Variants in PLAAT1 observed in about 807,000 individuals in gnomAD.
PLAAT1 encodes the protein phospholipase A and acyltransferase 1, also known as H-REV107 protein-related protein.
PLAAT1 carries 13 observed loss-of-function variants against 16.4 expected under a neutral mutation model. The ratio of observed to expected loss-of-function variants is 0.79; its 90% CI spans 0.52 to 1.26. The LOEUF (loss-of-function observed/expected upper bound fraction) is 1.26. Among genes scored for constraint, PLAAT1 ranks in the 50% most tolerant of loss-of-function variants. PLAAT1 has a pLI of 0.00. For missense variants in PLAAT1, 218 were observed against 207.8 expected, an observed-to-expected ratio of 1.05 and a Z score of -0.30; for synonymous variants, 73 against 78.4, an observed-to-expected ratio of 0.93 and a Z score of 0.36.
In PLAAT1 at chr3:193,262,951, C is replaced by G. The variant is rs966973922; in HGVS notation, c.140-19C>G. 3.7e-6 allele frequency: 6 copies of G among 1,613,164 alleles called. No homozygotes were observed. The highest frequency in any genetic ancestry group is 1.7e-5 in the Admixed American group (1 of 59,950). ...GGACTGGGTCACTATACCTTACTAA[C>G]CAGAATTCTACTTTATAGATGGCAT... On this transcript the variant is annotated intron_variant, in intron 2 of 3. Transcript: ENST00000264735.
chr3:193,279,308 A>G (rs577515314), downstream of PLAAT1: 63 of 1,306,854 alleles, frequency 4.8e-5, no homozygotes, highest in African/African-American at 3.8e-4. Context: ...GTGAATTACA[A>G]TGAATACATG....
At chr3:193,270,916 G>A (rs960767707), downstream of PLAAT1, 34 of 1,043,358 alleles carry the variant, frequency 3.3e-5, no homozygotes, top group South Asian at 1.9e-4. Context: ...CAGCTTGAAC[G>A]GAGAAGCAGT....
At position 193,266,296 on chromosome 3, in the gene PLAAT1, T is replaced by C. The variant is rs547471573; in HGVS notation, c.405+3061T>C. On this transcript the variant is annotated intron_variant, in intron 3 of 3. Transcript: ENST00000264735. The stretch of plus-strand genomic sequence containing the variant: ...AATACATCAAGTTGAACACATTAAA[T>C]ATCTACAGCTTTTTGCATGTCAGTC... Among the ~76,000 whole-genome samples, 84 of 152,300 alleles carry C rather than the reference T, an allele frequency of 5.5e-4. 2 individuals are homozygous for C. Among genetic ancestry groups the C allele is most frequent in the African/African-American group, 1.9e-3 (80 of 41,570 alleles).
chr3:193,243,760 G>A (rs2108776067), intron 1 of PLAAT1, among the ~76,000 whole-genome samples: 1 of 152,262 alleles, frequency 6.6e-6, no homozygotes, highest in East Asian at 1.9e-4. Flanking sequence ...TTCCTCATCT[G>A]TAAAATGGTC....
intron 1 of PLAAT1, among the ~76,000 whole-genome samples, chr3:193,248,347 C>CTT (rs11429029): frequency 1.0e-4 from 15 of 150,588 alleles, no homozygotes; most frequent in South Asian, 6.3e-4. Flanking sequence ...ATAGTTGGGT[C>CTT]TTTTTTTTTA....
At chr3:193,263,269 G>A (rs775188871) in intron 3 of PLAAT1, 34 bp downstream of exon 3, 6 of 1,594,506 alleles carry the variant, frequency 3.8e-6, no homozygotes, top group Non-Finnish European at 5.1e-6. Context: ...CTTACATTGA[G>A]AAAAGAATAA....
intron 1 of PLAAT1, among the ~76,000 whole-genome samples, chr3:193,244,366 C>G (rs892958887): frequency 6.6e-6 from 1 of 152,018 alleles, no homozygotes; most frequent in African/African-American, 2.4e-5. Context: ...AATGAGTGAT[C>G]CAGTTAATGA....
downstream of PLAAT1, chr3:193,279,527 C>G (rs1024012795): frequency 1.7e-6 from 2 of 1,208,794 alleles, no homozygotes; most frequent in African/African-American, 3.0e-5. Flanking sequence ...ATTGCAGAAT[C>G]AATTATCTCT....
At chr3:193,268,345 T>A (rs1165942678) in intron 3 of PLAAT1, among the ~76,000 whole-genome samples, 1 of 152,158 alleles carries the variant, frequency 6.6e-6, no homozygotes, top group Admixed American at 6.5e-5. Context: ...CTGCCACACG[T>A]CTGTGTCCCC....
intron 1 of PLAAT1, among the ~76,000 whole-genome samples, chr3:193,247,519 A>C (rs1577299026): frequency 6.6e-6 from 1 of 152,288 alleles, no homozygotes; most frequent in East Asian, 1.9e-4. Flanking sequence ...TTGCTTAATA[A>C]ATTCTACTCC....
chr3:193,268,412 A>T (rs892947526), intron 3 of PLAAT1, among the ~76,000 whole-genome samples: 1 of 152,208 alleles, frequency 6.6e-6, no homozygotes, highest in African/African-American at 2.4e-5. Context: ...TCATTAGGCC[A>T]GGTACAGATC....
rs547586473 is a variant in PLAAT1 at position 193,242,476 on chromosome 3, G to T, written c.-1+943G>T. Among the ~76,000 whole-genome samples the T allele has an allele frequency of 7.9e-5, 12 of 152,082 alleles. No individual in the cohort carries two copies. In the South Asian group the frequency reaches 2.1e-3, roughly 26 times the overall value. On this transcript the variant is annotated intron_variant, in intron 1 of 3. Coordinates refer to ENST00000264735, the MANE Select transcript of PLAAT1 (RefSeq NM_020386.5). ...TGGGGCACTTGGAAATGGGCATTCT[G>T]GGTAGAAGGTTCAGTATTAACAAAA...
downstream of PLAAT1, among the ~76,000 whole-genome samples, chr3:193,277,908 A>T (rs1472643583): frequency 6.6e-6 from 1 of 152,140 alleles, no homozygotes; most frequent in Non-Finnish European, 1.5e-5. Flanking sequence ...TCACTGCAAC[A>T]TTCTCCTGCC....
At chr3:193,256,066 G>A (rs1183770856) in intron 2 of PLAAT1, among the ~76,000 whole-genome samples, 1 of 152,068 alleles carries the variant, frequency 6.6e-6, no homozygotes, top group East Asian at 1.9e-4. Flanking sequence ...CCACAAACAT[G>A]GCAAGGTTCA....
intron 1 of PLAAT1, among the ~76,000 whole-genome samples, chr3:193,243,007 A>G (rs1036616759): frequency 1.9e-4 from 29 of 152,318 alleles, no homozygotes; most frequent in Non-Finnish European, 3.7e-4. Context: ...GCCTGTCCCT[A>G]TCGGCAGGGA....
downstream of PLAAT1, chr3:193,275,053 C>T (rs145659956): frequency 3.1e-6 from 5 of 1,613,982 alleles, no homozygotes; most frequent in African/African-American, 1.3e-5. Context: ...TACAGCCTGG[C>T]CCAGAAATGC....
chr3:193,281,060 C>T, downstream of PLAAT1: 1 of 304,560 alleles, frequency 3.3e-6, no homozygotes, highest in Non-Finnish European at 4.8e-6. Context: ...CAGCACGTCT[C>T]AGAAGTGCTT....
At chr3:193,280,811 A>G (rs1362532594), downstream of PLAAT1, among the ~76,000 whole-genome samples, 8 of 152,152 alleles carry the variant, frequency 5.3e-5, no homozygotes, top group Non-Finnish European at 1.2e-4. Context: ...CAATCCTATA[A>G]AGTTATAAAT....
chr3:193,249,435 G>A (rs532522460), intron 1 of PLAAT1, among the ~76,000 whole-genome samples: 12 of 152,190 alleles, frequency 7.9e-5, no homozygotes, highest in African/African-American at 2.9e-4. Context: ...ATGATTTATA[G>A]CGGCTTTTGA....
Sources: allele counts gnomAD v4.1 joint callset (sites outside exome capture counted in the v4.1 genomes callset), GRCh38; gene constraint gnomAD v4.1.1; transcripts MANE v1.5; gene names NCBI Gene and HGNC (gene_info 2026-07-23, HGNC 2026-07-21).